The following ADIPOR2 variants were observed in gnomAD, a reference collection of about 807,000 sequenced individuals.
The protein encoded by ADIPOR2 is adiponectin receptor protein 2.
ADIPOR2 carries 18 observed loss-of-function variants against 40.9 expected under a neutral mutation model. The ratio of observed to expected loss-of-function variants is 0.44; its 90% CI spans 0.30 to 0.65. The LOEUF (loss-of-function observed/expected upper bound fraction) is 0.65. Among genes scored for constraint, ADIPOR2 ranks in the 30% least tolerant of loss-of-function variants. The pLI, the probability that ADIPOR2 is intolerant of heterozygous loss-of-function variation, is 0.09. For synonymous variants in ADIPOR2, 165 were observed against 166.4 expected (o/e 0.99, Z 0.06); for missense variants, 283 against 479.2 (o/e 0.59, Z 3.82).
At position 1,728,969 on chromosome 12, in the gene ADIPOR2, T is replaced by G. The variant is rs967299605; in HGVS notation, c.-86-25289T>G. Among the ~76,000 whole-genome samples the G allele has an allele frequency of 1.1e-3, 167 of 151,086 alleles. 2 individuals carry two copies. The highest frequency in any genetic ancestry group is 1.7e-3 in the Non-Finnish European group (118 of 67,678). ...CCTAGTTCTGGACTGTTTTTTTTTT[T>G]TTTTTTTTTTTTAACAAGACAGTCA... On this transcript the variant is annotated intron_variant, in intron 1 of 7. Coordinates refer to ENST00000357103, the MANE Select transcript of ADIPOR2 (RefSeq NM_024551.3).
chr12:1,779,719 G>A (rs1358308665), intron 4 of ADIPOR2, among the ~76,000 whole-genome samples: 1 of 152,184 alleles, frequency 6.6e-6, no homozygotes, highest in Admixed American at 6.5e-5. Flanking sequence ...GAGGAGAGTA[G>A]AGGGTCAAAT....
At chr12:1,740,847 T>C (rs2094741423) in intron 1 of ADIPOR2, among the ~76,000 whole-genome samples, 1 of 152,086 alleles carries the variant, frequency 6.6e-6, no homozygotes, top group Non-Finnish European at 1.5e-5. Flanking sequence ...AAAATAAATA[T>C]TTGAGAGAGT....
At chr12:1,781,637 C>T (rs1565659724) in intron 6 of ADIPOR2, among the ~76,000 whole-genome samples, 1 of 152,094 alleles carries the variant, frequency 6.6e-6, no homozygotes, top group East Asian at 1.9e-4. Flanking sequence ...AAGCCACAAG[C>T]CCCTCAGTGC....
chr12:1,733,867 T>C (rs528082508), intron 1 of ADIPOR2, among the ~76,000 whole-genome samples: 1 of 152,100 alleles, frequency 6.6e-6, no homozygotes, highest in East Asian at 1.9e-4. Flanking sequence ...GTTTGGTTTT[T>C]TGTCCTTGGC....
chr12:1,725,869 G>A (rs1263783256), intron 1 of ADIPOR2, among the ~76,000 whole-genome samples: 1 of 151,794 alleles, frequency 6.6e-6, no homozygotes, highest in Non-Finnish European at 1.5e-5. Context: ...TTTTCCCCTA[G>A]AGAATGTGAT....
At chr12:1,757,582 G>A (rs1390527263) in intron 2 of ADIPOR2, 19 of 1,117,310 alleles carry the variant, frequency 1.7e-5, no homozygotes, top group African/African-American at 7.6e-5. Context: ...TCAGGGTAGC[G>A]GATGGTGCCG....
At chr12:1,759,111 C>G (rs560776425) in intron 2 of ADIPOR2, among the ~76,000 whole-genome samples, 1 of 152,166 alleles carries the variant, frequency 6.6e-6, no homozygotes, top group Non-Finnish European at 1.5e-5. Flanking sequence ...AGGTTAGATT[C>G]AACAGTTGGT....
intron 1 of ADIPOR2, among the ~76,000 whole-genome samples, chr12:1,698,718 T>G (rs139351195): frequency 1.4e-3 from 214 of 152,352 alleles, no homozygotes; most frequent in African/African-American, 4.9e-3. Flanking sequence ...TATTGCAAGC[T>G]AATTCCCCTT....
chr12:1,691,691 T>C (rs2094627476), intron 1 of ADIPOR2, among the ~76,000 whole-genome samples: 1 of 152,178 alleles, frequency 6.6e-6, no homozygotes, highest in Non-Finnish European at 1.5e-5. Context: ...CTTTTTCAGG[T>C]GGCGCGTCAG....
chr12:1,720,098 A>G (rs2094694959), intron 1 of ADIPOR2, among the ~76,000 whole-genome samples: 1 of 152,234 alleles, frequency 6.6e-6, no homozygotes, highest in South Asian at 2.1e-4. Flanking sequence ...AGATAAATGC[A>G]ATAAGTTGTG....
chr12:1,732,971 T>G (rs2094723403), intron 1 of ADIPOR2, among the ~76,000 whole-genome samples: 1 of 152,204 alleles, frequency 6.6e-6, no homozygotes, highest in African/African-American at 2.4e-5. Flanking sequence ...AGAGTACAAT[T>G]ATTGGGATCA....
At chr12:1,703,494 G>C (rs975417715) in intron 1 of ADIPOR2, among the ~76,000 whole-genome samples, 1 of 152,074 alleles carries the variant, frequency 6.6e-6, no homozygotes, top group Non-Finnish European at 1.5e-5. Flanking sequence ...TCAGTACTTT[G>C]GGAAGCTGAG....
At chr12:1,729,627 TTTTTTTTTTTTTTTGAGTG>T (rs2094715654) in intron 1 of ADIPOR2, among the ~76,000 whole-genome samples, 1 of 40,130 alleles carries the variant, frequency 2.5e-5, no homozygotes, top group Non-Finnish European at 6.2e-5. Flanking sequence ...GTTTTTTTTT[TTTTTTTTTTTTTTTGAGTG>T]TTTTTTTTTG....
At position 1,754,998 on chromosome 12, in the gene ADIPOR2, G is replaced by A. The variant is rs1215179794; in HGVS notation, c.171+484G>A. Among the ~76,000 whole-genome samples, 4 of 117,754 alleles carry A rather than the reference G, an allele frequency of 3.4e-5. No homozygotes were observed. In the East Asian group the frequency reaches 9.8e-4, roughly 29 times the overall value. The allele number at this position is 117,754 out of a possible 152,430, so 77.3% of individuals were successfully genotyped here. On this transcript the variant is annotated intron_variant, in intron 2 of 7. Transcript: ENST00000357103. ...CAAAGTGCTGGGATTACAGGCATGAGTCATCGTGCCCAGCTTCTTATTCTT... is the reference window on the plus strand; with the variant it reads ...CAAAGTGCTGGGATTACAGGCATGAATCATCGTGCCCAGCTTCTTATTCTT...
Position 1,772,547 on chromosome 12 carries a change from T to C in ADIPOR2, c.172-295T>C, listed in dbSNP as rs555969056. On this transcript the variant is annotated intron_variant, in intron 2 of 7. Coordinates refer to ENST00000357103, the MANE Select transcript of ADIPOR2 (RefSeq NM_024551.3). Reference sequence around the variant, plus strand: ...TTCTCAACTTTATGTAATATTATTATGGGGTCTATGACATAATTTTTAAAA... The same window carrying C: ...TTCTCAACTTTATGTAATATTATTACGGGGTCTATGACATAATTTTTAAAA... 6.6e-5 allele frequency among the ~76,000 whole-genome samples: 10 copies of C among 152,310 alleles called. 1 individual carries two copies. The South Asian group carries it at 2.1e-3, about 32-fold the overall frequency.
At chr12:1,785,919 C>G (rs753615186) in intron 7 of ADIPOR2, 25 bp from the exon 8 acceptor site, 19 of 1,613,070 alleles carry the variant, frequency 1.2e-5, no homozygotes, top group South Asian at 6.6e-5. Flanking sequence ...TTCTCTACCC[C>G]CTTCTCTTCT....
At chr12:1,712,952 A>G (rs554016024) in intron 1 of ADIPOR2, among the ~76,000 whole-genome samples, 5 of 152,242 alleles carry the variant, frequency 3.3e-5, no homozygotes, top group African/African-American at 9.6e-5. Context: ...AGAAAGTTCA[A>G]GAGATCTCGA....
intron 1 of ADIPOR2, among the ~76,000 whole-genome samples, chr12:1,719,504 C>T (rs956846025): frequency 6.6e-6 from 1 of 152,112 alleles, no homozygotes; most frequent in African/African-American, 2.4e-5. Context: ...ATTATAACTG[C>T]TCTAGCTGTT....
intron 2 of ADIPOR2, chr12:1,757,912 TAGTG>T (rs1259596694): frequency 2.4e-6 from 2 of 845,408 alleles, no homozygotes; most frequent in Non-Finnish European, 4.2e-6. Context: ...TTGTGGGGAC[TAGTG>T]GATGGACGAG....
Sources: allele counts gnomAD v4.1 joint callset (sites outside exome capture counted in the v4.1 genomes callset), GRCh38; gene constraint gnomAD v4.1.1; transcripts MANE v1.5; gene names NCBI Gene and HGNC (gene_info 2026-07-23, HGNC 2026-07-21).